PFKP: variants seen among roughly 807,000 people sequenced by gnomAD.
PFKP encodes the protein phosphofructokinase, platelet.
A neutral mutation model predicts 94.3 loss-of-function variants in PFKP; 101 were observed. The ratio of observed to expected loss-of-function variants is 1.07; its 90% CI spans 0.91 to 1.26. The LOEUF (loss-of-function observed/expected upper bound fraction) is 1.26. PFKP is among the 50% of genes most tolerant of loss of function. The probability of loss-of-function intolerance (pLI) is 0.00; values close to 1 mark genes in which losing one functional copy is unlikely to be tolerated. For missense variants in PFKP, 1,145 were observed against 1,103.3 expected (o/e 1.04, Z -0.53); for synonymous variants, 573 against 432.6 (o/e 1.32, Z -4.03).
chr10:3,130,188 C>A (rs1270339299), intron 17 of PFKP, among the ~76,000 whole-genome samples: 1 of 151,846 alleles, frequency 6.6e-6, no homozygotes, highest in Non-Finnish European at 1.5e-5. Context: ...TTGAGGACAC[C>A]TTCTAGTCTC....
chr10:3,134,542 G>C lies in PFKP; in HGVS notation c.2082G>C (p.Met694Ile). 6.2e-7 allele frequency: 1 copy of C among 1,614,044 alleles called. No homozygotes were observed. The highest frequency in any genetic ancestry group is 1.1e-5 in the South Asian group (1 of 91,080). Residue 694 changes from methionine to isoleucine, a missense_variant, in exon 20 of 22, where the codon ATG (methionine) becomes ATC (isoleucine). Coordinates refer to ENST00000381125, the MANE Select transcript of PFKP (RefSeq NM_002627.5). ...GAACCAAAATCTCTGCCAGAGCTAT[G>C]GAGTGGATCACTGCAAAACTCAAGG... ...NFGTKISARA[M>I]EWITAKLKEA...
intron 2 of PFKP, among the ~76,000 whole-genome samples, chr10:3,091,853 C>G (rs1834065931): frequency 6.6e-6 from 1 of 152,214 alleles, no homozygotes; most frequent in Admixed American, 6.5e-5. Context: ...CTGCTCTAGA[C>G]AGCTGTTTGT....
intron 20 of PFKP, among the ~76,000 whole-genome samples, chr10:3,134,916 T>G (rs762266125): frequency 1.5e-4 from 23 of 152,358 alleles, no homozygotes; most frequent in Admixed American, 3.3e-4. Flanking sequence ...TTTTGAATGT[T>G]TGCTAGGACA....
At chr10:3,106,117 T>C (rs1198217589) in intron 7 of PFKP, among the ~76,000 whole-genome samples, 1 of 151,478 alleles carries the variant, frequency 6.6e-6, no homozygotes, top group African/African-American at 2.4e-5. Context: ...TACAACCTCA[T>C]CCCAGTGGCC....
intron 9 of PFKP, 77 bp downstream of exon 9, chr10:3,108,870 G>A (rs1034022566): frequency 1.9e-6 from 2 of 1,051,908 alleles, no homozygotes; most frequent in Non-Finnish European, 1.5e-6. Context: ...GCACCAGCCG[G>A]CCACAGAGGC....
intron 21 of PFKP, among the ~76,000 whole-genome samples, chr10:3,136,245 C>CAGAG (rs1839308223): frequency 6.6e-6 from 1 of 152,166 alleles, no homozygotes; most frequent in African/African-American, 2.4e-5. Context: ...AGCCTGGCGA[C>CAGAG]AGAGCGAGAC....
intron 1 of PFKP, among the ~76,000 whole-genome samples, chr10:3,079,688 G>A (rs1246849431): frequency 7.0e-6 from 1 of 143,634 alleles, no homozygotes; most frequent in Admixed American, 7.0e-5. Flanking sequence ...AGGAGCAGGG[G>A]TGAGGGGCCG....
chr10:3,083,489 T>G (rs1210440551), intron 2 of PFKP, among the ~76,000 whole-genome samples: 1 of 152,224 alleles, frequency 6.6e-6, no homozygotes, highest in Non-Finnish European at 1.5e-5. Context: ...AGTGTTTTAG[T>G]CTGATTTCCT....
chr10:3,094,293 G>A (rs1227510750), intron 2 of PFKP, among the ~76,000 whole-genome samples: 2 of 152,238 alleles, frequency 1.3e-5, no homozygotes, highest in Non-Finnish European at 2.9e-5. Context: ...TTGGCTTAAA[G>A]AAATCTGTGA....
intron 3 of PFKP, among the ~76,000 whole-genome samples, chr10:3,100,528 C>T (rs763014432): frequency 6.2e-4 from 95 of 152,266 alleles, no homozygotes; most frequent in African/African-American, 2.1e-3. Flanking sequence ...TATCGAAACA[C>T]GCACTCACGT....
rs61731929 is a variant in PFKP, at chr10:3,120,011, C to T, written c.1650C>T (p.Ile550=). The T allele has an allele frequency of 1.3e-3, 2,162 of 1,613,674 alleles. 30 individuals are homozygous for T. The African/African-American group carries it at 0.026, about 19-fold the overall frequency. The change falls in exon 16 of 22, where the codon ATC becomes ATT. Residue 550 remains isoleucine (I), a synonymous_variant. Transcript: ENST00000381125. ...SNNVPGSDFS[I]GADTALNTIT... Reference sequence around the variant, plus strand: ...ATGTGCCGGGTTCCGATTTCAGCATCGGGGCAGACACCGCCCTGAACACTA... The same window carrying T: ...ATGTGCCGGGTTCCGATTTCAGCATTGGGGCAGACACCGCCCTGAACACTA...
chr10:3,126,100 T>C (rs11595224), intron 16 of PFKP, among the ~76,000 whole-genome samples: 40,638 of 152,116 alleles, frequency 0.27, 5,657 homozygotes, highest in African/African-American at 0.34. Flanking sequence ...AAACTCCCAG[T>C]CCTGCTGGAG....
intron 1 of PFKP, among the ~76,000 whole-genome samples, chr10:3,071,427 G>GT (rs569603765): frequency 0.035 from 3,196 of 92,110 alleles, 69 homozygotes; most frequent in African/African-American, 0.07. Context: ...GTCTCAGGCT[G>GT]TTTTTTTTTT....
At chr10:3,080,341 C>T (rs1564267705) in intron 1 of PFKP, among the ~76,000 whole-genome samples, 1 of 152,008 alleles carries the variant, frequency 6.6e-6, no homozygotes, top group Non-Finnish European at 1.5e-5. Flanking sequence ...CACGGTGAAA[C>T]CCCGTCTCTA....
chr10:3,104,172 A>G (rs1231121844), intron 5 of PFKP, among the ~76,000 whole-genome samples: 2 of 152,232 alleles, frequency 1.3e-5, no homozygotes, highest in Admixed American at 1.3e-4. Flanking sequence ...GTTTATTAGA[A>G]TTTGGAAGGA....
At chr10:3,125,257 A>G in intron 16 of PFKP, 1 of 1,300,290 alleles carries the variant, frequency 7.7e-7, no homozygotes, top group Non-Finnish European at 1.0e-6. Flanking sequence ...GAGGTAAGAG[A>G]ACCCCGTTTC....
At chr10:3,108,340 C>T (rs912901347) in intron 8 of PFKP, among the ~76,000 whole-genome samples, 17 of 152,200 alleles carry the variant, frequency 1.1e-4, no homozygotes, top group African/African-American at 4.1e-4. Context: ...CAAATTAAAG[C>T]TGGTTCAAGG....
At chr10:3,088,170 G>A (rs1272774326) in intron 2 of PFKP, among the ~76,000 whole-genome samples, 5 of 110,614 alleles carry the variant, frequency 4.5e-5, no homozygotes, top group African/African-American at 3.7e-5. Context: ...AACAGGCCCC[G>A]GTGTGTGATG....
chr10:3,104,985 C>G (rs1835392433), intron 5 of PFKP, 130 bp from the exon 6 acceptor site: 5 of 813,018 alleles, frequency 6.1e-6, no homozygotes, highest in South Asian at 5.9e-5. Context: ...TCCCTGCAGG[C>G]CTCCTGGCTA....
Sources: allele counts gnomAD v4.1 joint callset (sites outside exome capture counted in the v4.1 genomes callset), GRCh38; gene constraint gnomAD v4.1.1; transcripts MANE v1.5; gene names NCBI Gene and HGNC (gene_info 2026-07-23, HGNC 2026-07-21).